The following MGAM2 variants were observed in gnomAD, a reference collection of about 807,000 sequenced individuals.
The protein encoded by MGAM2 is maltase-glucoamylase 2 (putative).
In MGAM2, 98 loss-of-function variants were observed where a neutral mutation model predicts 96.1. That is an observed-to-expected ratio of 1.02 (90% confidence interval 0.87 to 1.21). The LOEUF (loss-of-function observed/expected upper bound fraction) is 1.21. Among genes scored for constraint, MGAM2 ranks in the 50% most tolerant of loss-of-function variants. The probability of loss-of-function intolerance (pLI) is 0.00; values close to 1 mark genes in which losing one functional copy is unlikely to be tolerated. For missense variants in MGAM2, 2,055 were observed against 1,182.4 expected (o/e 1.74, Z -10.82); for synonymous variants, 749 against 414.8 (o/e 1.81, Z -9.79).
chr7:142,159,398 C>G lies in MGAM2; in HGVS notation c.2220+55C>G, dbSNP rs1795826569. The G allele has an allele frequency of 8.6e-6, 6 of 698,766 alleles. No homozygotes were observed. In the East Asian group the frequency reaches 1.6e-4, roughly 19 times the overall value. The allele number at this position is 698,766 out of a possible 1,614,324, so 43.3% of individuals were successfully genotyped here. A position where few individuals can be genotyped will look rare whatever the true frequency, so the allele number is the denominator to read the frequency against. On this transcript the variant is annotated intron_variant, in intron 20 of 47. Coordinates refer to ENST00000477922, the MANE Select transcript of MGAM2 (RefSeq NM_001293626.2). ...GACCTGCCTCTAGCAGAGGGCAATT[C>G]TAAAGCAGCAGTCTTGGGAGCTTGC... is the stretch of plus-strand genomic sequence containing the variant.
chr7:142,134,270 T>C, intron 7 of MGAM2, 118 bp downstream of exon 7: 1 of 433,760 alleles, frequency 2.3e-6, no homozygotes, highest in Non-Finnish European at 4.1e-6. Context: ...GTGTTAGTGT[T>C]GAGGAATATT....
intron 25 of MGAM2, among the ~76,000 whole-genome samples, chr7:142,166,707 A>G (rs549184258): frequency 5.9e-5 from 9 of 152,290 alleles, no homozygotes; most frequent in African/African-American, 2.2e-4. Flanking sequence ...CTCCCTATCA[A>G]ACTTCCTGGT....
chr7:142,147,364 A>C, intron 14 of MGAM2, 92 bp from the exon 15 acceptor site: 1 of 608,560 alleles, frequency 1.6e-6, no homozygotes, highest in Non-Finnish European at 2.9e-6. Context: ...TTGGTGGGGA[A>C]GGTACAGTAA....
intron 45 of MGAM2, among the ~76,000 whole-genome samples, chr7:142,207,648 C>A (rs1258441083): frequency 6.6e-6 from 1 of 152,046 alleles, no homozygotes; most frequent in Non-Finnish European, 1.5e-5. Flanking sequence ...CCAGGACGGT[C>A]TCGAGCTCCT....
At chr7:142,205,924 T>C (rs906387488) in intron 45 of MGAM2, among the ~76,000 whole-genome samples, 1 of 152,192 alleles carries the variant, frequency 6.6e-6, no homozygotes, top group Non-Finnish European at 1.5e-5. Context: ...GTTTTAGCTC[T>C]TACATTTAGG....
At chr7:142,151,114 G>C (rs958323224) in intron 15 of MGAM2, among the ~76,000 whole-genome samples, 2 of 152,080 alleles carry the variant, frequency 1.3e-5, no homozygotes, top group Non-Finnish European at 2.9e-5. Flanking sequence ...TTTTCTCTCT[G>C]CTGGACTGTA....
At chr7:142,144,066 G>A (rs11978983) in intron 13 of MGAM2, 184 bp downstream of exon 13, 1 of 425,410 alleles carries the variant, frequency 2.4e-6, no homozygotes, top group East Asian at 3.5e-5. Flanking sequence ...AAGAGCCTTA[G>A]GTTCTTATCC....
chr7:142,176,129 T>G (rs915591429), intron 32 of MGAM2, among the ~76,000 whole-genome samples: 1 of 150,404 alleles, frequency 6.6e-6, no homozygotes, highest in Non-Finnish European at 1.5e-5. Context: ...TCTCACTGTT[T>G]CAGGCTATGT....
At chr7:142,130,239 T>C (rs2129076883) in intron 3 of MGAM2, among the ~76,000 whole-genome samples, 1 of 152,236 alleles carries the variant, frequency 6.6e-6, no homozygotes, top group East Asian at 1.9e-4. Flanking sequence ...GTCCTAGTTT[T>C]ATTTTAATCG....
At chr7:142,171,913 G>T (rs1282756459) in intron 28 of MGAM2, among the ~76,000 whole-genome samples, 185 bp from the exon 29 acceptor site, 1 of 151,752 alleles carries the variant, frequency 6.6e-6, no homozygotes, top group Admixed American at 6.6e-5. Flanking sequence ...TAATAAATGA[G>T]GAAGGCATGA....
Position 142,153,903 on chromosome 7 carries a change from C to T in MGAM2, c.1635-115C>T, listed in dbSNP as rs1795656449. 4 of 473,840 alleles carry T rather than the reference C, an allele frequency of 8.4e-6. No individual in the cohort carries two copies. In the East Asian group the frequency reaches 1.2e-4, roughly 14 times the overall value. The allele number at this position is 473,840 out of a possible 1,614,324, so 29.4% of individuals were successfully genotyped here. ...TAAGTTTATGACACCTGGTTTATGACACCCTCATGTTGTTTTCTCAGTTTG... is the reference window on the plus strand; with the variant it reads ...TAAGTTTATGACACCTGGTTTATGATACCCTCATGTTGTTTTCTCAGTTTG... On this transcript the variant is annotated intron_variant, in intron 15 of 47. Coordinates refer to ENST00000477922, the MANE Select transcript of MGAM2 (RefSeq NM_001293626.2).
intron 45 of MGAM2, among the ~76,000 whole-genome samples, chr7:142,202,503 G>A (rs1486116973): frequency 6.6e-6 from 1 of 152,002 alleles, no homozygotes; most frequent in African/African-American, 2.4e-5. Context: ...AGTGTCTATT[G>A]TTCTCGTCTT....
At chr7:142,113,999 C>T (rs559826669) in intron 1 of MGAM2, among the ~76,000 whole-genome samples, 3 of 151,616 alleles carry the variant, frequency 2.0e-5, no homozygotes, top group Admixed American at 1.3e-4. Flanking sequence ...GGCATGATGG[C>T]GGGTGCCTGT....
chr7:142,119,630 CA>C (rs1393831144), intron 2 of MGAM2, among the ~76,000 whole-genome samples: 2 of 152,054 alleles, frequency 1.3e-5, no homozygotes, highest in Non-Finnish European at 2.9e-5. Context: ...GTATAATGGT[CA>C]AAAAGTAGAA....
chr7:142,188,639 T>C (rs1796777608), intron 36 of MGAM2, among the ~76,000 whole-genome samples: 1 of 152,202 alleles, frequency 6.6e-6, no homozygotes, highest in Admixed American at 6.5e-5. Flanking sequence ...TGACTTGCAA[T>C]GGTCTGACTT....
intron 46 of MGAM2, among the ~76,000 whole-genome samples, chr7:142,209,749 T>C (rs1272855259): frequency 1.3e-5 from 2 of 152,212 alleles, no homozygotes; most frequent in Non-Finnish European, 2.9e-5. Context: ...CCAGTTAACT[T>C]AGATTTCTTT....
rs771612589 is a variant in MGAM2 at position 142,134,162 on chromosome 7, C to A, written c.747+10C>A. 1.4e-6 allele frequency: 1 copy of A among 731,842 alleles called. No individual in the cohort carries two copies. The highest frequency in any genetic ancestry group is 1.7e-5 in the African/African-American group (1 of 58,426). 45.3% of individuals were successfully genotyped at this position (731,842 alleles called of 1,614,324 possible). ...CGCTACCCCCACCGAGGTGAGGTGG[C>A]TTTCCTCCTGAGTATCGCCCACAGT... On this transcript the variant is annotated intron_variant, in intron 7 of 47. Transcript: ENST00000477922.
Position 142,218,356 on chromosome 7 carries a change from T to A in MGAM2, c.5188-5T>A, listed in dbSNP as rs1288815413. On this transcript the variant is annotated splice_region_variant and splice_polypyrimidine_tract_variant and intron_variant, in intron 46 of 47. Coordinates refer to ENST00000477922, the MANE Select transcript of MGAM2 (RefSeq NM_001293626.2). ...TATTCTTTTCTCTTTATAAATTCTTTATAGAACATCCTGCAAATCCAGACC... is the reference window on the plus strand; with the variant it reads ...TATTCTTTTCTCTTTATAAATTCTTAATAGAACATCCTGCAAATCCAGACC... 2 of 679,994 alleles carry A rather than the reference T, an allele frequency of 2.9e-6. No individual in the cohort carries two copies. The allele number at this position is 679,994 out of a possible 1,614,324, so 42.1% of individuals were successfully genotyped here. A position where few individuals can be genotyped will look rare whatever the true frequency, so the allele number is the denominator to read the frequency against.
At chr7:142,210,518 A>G (rs565883665) in intron 46 of MGAM2, among the ~76,000 whole-genome samples, 259 of 152,280 alleles carry the variant, frequency 1.7e-3, no homozygotes, top group Middle Eastern at 6.8e-3. Context: ...GGCATCCGCC[A>G]TTACTGAGGC....
Sources: allele counts gnomAD v4.1 joint callset (sites outside exome capture counted in the v4.1 genomes callset), GRCh38; gene constraint gnomAD v4.1.1; transcripts MANE v1.5; gene names NCBI Gene and HGNC (gene_info 2026-07-23, HGNC 2026-07-21).